Variants in CEMIP observed in about 807,000 individuals in gnomAD.
CEMIP encodes the protein cell migration-inducing and hyaluronan-binding protein.
In CEMIP, 105 loss-of-function variants were observed where a neutral mutation model predicts 156.9. The observed-to-expected ratio is 0.67, with a 90% CI of 0.57 to 0.79. CEMIP has a LOEUF of 0.79. CEMIP is among the 30% of genes least tolerant of loss of function. The probability of loss-of-function intolerance (pLI) is 0.00; values close to 1 mark genes in which losing one functional copy is unlikely to be tolerated. For missense variants in CEMIP, 1,457 were observed against 1,769.4 expected (o/e 0.82, Z 3.17); for synonymous variants, 676 against 668.4 (o/e 1.01, Z -0.17).
chr15:80,821,015 A>G (rs1399363681), intron 1 of CEMIP, among the ~76,000 whole-genome samples: 1 of 152,266 alleles, frequency 6.6e-6, no homozygotes, highest in Non-Finnish European at 1.5e-5. Flanking sequence ...TTTGCACTTC[A>G]TCATAAAGAT....
chr15:80,924,503 C>T (rs1237873382), intron 17 of CEMIP, 118 bp from the exon 18 acceptor site: 1 of 851,752 alleles, frequency 1.2e-6, no homozygotes, highest in African/African-American at 1.7e-5. Flanking sequence ...TTGATGCAGC[C>T]TGAGAACAGA....
rs1596203223 is a variant in CEMIP, at chr15:80,933,414, A to G, written c.2963A>G (p.Asn988Ser). The stretch of plus-strand genomic sequence containing the variant: ...CTGGTCCGGCACCCAGACTGCATCA[A>G]TGTTCCCGACTGGAGAGGGGCCATT... ...NWLVRHPDCINVPDWRGAICS... is the reference protein window; with the variant it reads ...NWLVRHPDCISVPDWRGAICS... The change falls in exon 23 of 30, where the codon AAT becomes AGT. Residue 988 changes from asparagine (N) to serine (S), a missense_variant. Around this residue, in one of 5 missense-constraint regions of CEMIP, gnomAD observed 798 missense variants for 980.1 expected, o/e 0.81. Transcript: ENST00000394685. 6.8e-6 allele frequency: 11 copies of G among 1,614,116 alleles called. No individual in the cohort carries two copies. The highest frequency in any genetic ancestry group is 1.7e-5 in the Admixed American group (1 of 60,026).
intron 12 of CEMIP, chr15:80,900,808 T>C (rs542721575): frequency 1.5e-4 from 54 of 364,614 alleles, no homozygotes; most frequent in Admixed American, 5.6e-4. Context: ...TTCTCCCTTT[T>C]CTGTGAGCCC....
At chr15:80,915,643 A>C (rs1480413472) in intron 14 of CEMIP, among the ~76,000 whole-genome samples, 1 of 152,050 alleles carries the variant, frequency 6.6e-6, no homozygotes, top group Non-Finnish European at 1.5e-5. Flanking sequence ...CCCTCTATAG[A>C]CCAAACGCTT....
intron 1 of CEMIP, among the ~76,000 whole-genome samples, chr15:80,846,683 G>A (rs1897568356): frequency 6.6e-6 from 1 of 152,210 alleles, no homozygotes; most frequent in Admixed American, 6.5e-5. Context: ...GCCTGCCGGT[G>A]GTCCCGATGC....
intron 12 of CEMIP, among the ~76,000 whole-genome samples, chr15:80,899,868 C>A (rs777514271): frequency 7.9e-5 from 12 of 152,194 alleles, no homozygotes; most frequent in Non-Finnish European, 1.6e-4. Context: ...TGTGAAGAAG[C>A]CTCTGGGAGG....
chr15:80,881,897 A>C (rs1898673365), intron 6 of CEMIP, among the ~76,000 whole-genome samples: 2 of 152,190 alleles, frequency 1.3e-5, no homozygotes, highest in African/African-American at 2.4e-5. Context: ...CGGCTAGTGG[A>C]TGTACCTGAG....
chr15:80,808,032 G>A lies in CEMIP; in HGVS notation c.-176+28418G>A, dbSNP rs115049451. On this transcript the variant is annotated intron_variant, in intron 1 of 29. Transcript: ENST00000394685. The stretch of plus-strand genomic sequence containing the variant: ...GCAGCCCCTTGCCAAGCTTCATTCT[G>A]AATATAATACTTAACCCAGGATTTG... Among the ~76,000 whole-genome samples, 781 of 152,304 alleles carry A rather than the reference G, an allele frequency of 5.1e-3. 4 individuals are homozygous for A. Among genetic ancestry groups the A allele is most frequent in the African/African-American group, 0.018 (741 of 41,562 alleles).
intron 11 of CEMIP, 36 bp from the exon 12 acceptor site, chr15:80,895,833 G>A (rs1899199984): frequency 6.2e-7 from 1 of 1,607,388 alleles, no homozygotes; most frequent in Middle Eastern, 1.7e-4. Flanking sequence ...CAAGAGCAAA[G>A]GGCTCTATCT....
intron 1 of CEMIP, among the ~76,000 whole-genome samples, chr15:80,809,589 G>A (rs1896606952): frequency 6.6e-6 from 1 of 152,214 alleles, no homozygotes; most frequent in Non-Finnish European, 1.5e-5. Flanking sequence ...CTGTGGATAG[G>A]AAGCATGGTG....
chr15:80,825,449 G>A (rs1300329911), intron 1 of CEMIP, among the ~76,000 whole-genome samples: 1 of 152,078 alleles, frequency 6.6e-6, no homozygotes, highest in East Asian at 1.9e-4. Context: ...CCCCACCCTC[G>A]GTGAAGCAGG....
At chr15:80,808,282 C>A (rs1896564535) in intron 1 of CEMIP, among the ~76,000 whole-genome samples, 1 of 152,140 alleles carries the variant, frequency 6.6e-6, no homozygotes, top group African/African-American at 2.4e-5. Flanking sequence ...CTGGGGATGG[C>A]CCACCTGCAG....
Position 80,878,845 on chromosome 15 carries a change from T to C in CEMIP, c.219T>C (p.Tyr73=). ...TLLLTSSATV[Y]SIHISEGGKL... ...TGCTCACCTCTTCTGCCACGGTCTATTCCATCCACATCTCAGAGGGAGGTA... is the reference window on the plus strand; with the variant it reads ...TGCTCACCTCTTCTGCCACGGTCTACTCCATCCACATCTCAGAGGGAGGTA... Residue 73 remains tyrosine, a synonymous_variant, in exon 4 of 30, where the codon TAT becomes TAC. Coordinates refer to ENST00000394685, the MANE Select transcript of CEMIP (RefSeq NM_001293298.2). 6.2e-7 allele frequency: 1 copy of C among 1,614,176 alleles called. No individual in the cohort carries two copies.
Position 80,825,337 on chromosome 15 carries a change from G to C in CEMIP, c.-176+45723G>C, listed in dbSNP as rs561644734. The stretch of plus-strand genomic sequence containing the variant: ...TCAATTTATAAATGAGGAAACTGAG[G>C]CTCAGCAAGGTTAAATGATGTGTCA... On this transcript the variant is annotated intron_variant, in intron 1 of 29. Coordinates refer to ENST00000394685, the MANE Select transcript of CEMIP (RefSeq NM_001293298.2). 2.0e-5 allele frequency among the ~76,000 whole-genome samples: 3 copies of C among 152,246 alleles called. No homozygotes were observed. The South Asian group carries it at 6.2e-4, about 32-fold the overall frequency.
At chr15:80,900,485 C>T (rs979955849) in intron 12 of CEMIP, among the ~76,000 whole-genome samples, 2 of 151,996 alleles carry the variant, frequency 1.3e-5, no homozygotes, top group African/African-American at 4.8e-5. Flanking sequence ...GAAGGACATT[C>T]GGCTCGGAGC....
In CEMIP at chr15:80,933,458, C is replaced by A; in HGVS notation, c.3007C>A (p.Gln1003Lys). 6.2e-7 allele frequency: 1 copy of A among 1,612,772 alleles called. No homozygotes were observed. The highest frequency in any genetic ancestry group is 8.5e-7 in the Non-Finnish European group (1 of 1,178,772). ...RGAICSGCYA[Q>K]MYIQAYKTSN... ...GGCCATTTGCAGTGGGTGCTATGCA[C>A]AGGTGGGGACACCATTCTGGGGGCC... Residue 1003 changes from glutamine to lysine, a missense_variant and splice_region_variant, in exon 23 of 30, where the codon CAG (glutamine) becomes AAG (lysine). Coordinates refer to ENST00000394685, the MANE Select transcript of CEMIP (RefSeq NM_001293298.2).
intron 1 of CEMIP, among the ~76,000 whole-genome samples, chr15:80,825,582 A>G (rs1384465283): frequency 6.6e-6 from 1 of 152,244 alleles, no homozygotes; most frequent in Admixed American, 6.5e-5. Flanking sequence ...TGGCCAAGCC[A>G]CAGCATGCAT....
intron 1 of CEMIP, among the ~76,000 whole-genome samples, chr15:80,858,018 T>A (rs895069502): frequency 6.6e-6 from 1 of 152,044 alleles, no homozygotes; most frequent in African/African-American, 2.4e-5. Flanking sequence ...GAGAGGCCCA[T>A]GTTGCATGGG....
intron 12 of CEMIP, among the ~76,000 whole-genome samples, chr15:80,899,526 T>C (rs972084110): frequency 6.6e-6 from 1 of 151,984 alleles, no homozygotes; most frequent in Non-Finnish European, 1.5e-5. Context: ...TGAGACAGAA[T>C]AGAAGCTACC....
Sources: allele counts gnomAD v4.1 joint callset (sites outside exome capture counted in the v4.1 genomes callset), GRCh38; gene constraint gnomAD v4.1.1; regional missense constraint gnomAD v4.1.1; transcripts MANE v1.5; gene names NCBI Gene and HGNC (gene_info 2026-07-23, HGNC 2026-07-21).